NRG1: variants seen among roughly 807,000 people sequenced by gnomAD.
NRG1 encodes the protein neuregulin 1.
A neutral mutation model predicts 63.8 loss-of-function variants in NRG1; 18 were observed. The ratio of observed to expected loss-of-function variants is 0.28; its 90% CI spans 0.19 to 0.42. NRG1 has a LOEUF of 0.42. Ranked by LOEUF, NRG1 falls within the 10% of genes least tolerant of loss-of-function variation. The pLI is 1.00. For synonymous variants in NRG1, 302 were observed against 301.3 expected, an observed-to-expected ratio of 1.00 and a Z score of -0.02; for missense variants, 762 against 814.7, an observed-to-expected ratio of 0.94 and a Z score of 0.79.
chr8:31,894,786 G>C (rs576498760), intron 1 of NRG1, among the ~76,000 whole-genome samples: 4 of 151,972 alleles, frequency 2.6e-5, no homozygotes, highest in South Asian at 2.1e-4. Context: ...TCCTGACCTC[G>C]TGATCCGCCT....
At chr8:32,424,597 G>A (rs550610770) in intron 1 of NRG1, among the ~76,000 whole-genome samples, 7 of 152,242 alleles carry the variant, frequency 4.6e-5, no homozygotes, top group Admixed American at 2.6e-4. Context: ...TAGGCTGGAC[G>A]TGGTGGCTCA....
At chr8:32,719,664 A>G (rs754221621) in intron 5 of NRG1, among the ~76,000 whole-genome samples, 3 of 151,972 alleles carry the variant, frequency 2.0e-5, no homozygotes, top group Non-Finnish European at 4.4e-5. Flanking sequence ...TGGTTGCTAT[A>G]TTTCCTAATG....
rs1390577873 is a variant in NRG1, at chr8:32,252,954, G to A, written c.38-342874G>A. On this transcript the variant is annotated intron_variant, in intron 1 of 10. Coordinates refer to the NRG1 transcript ENST00000519301. ...TCCTAGGGATTTTATTCTCTTTGTA[G>A]CCATTGTGAATGGGAGTTCACTCAT... Among the ~76,000 whole-genome samples, 5 of 152,166 alleles carry A rather than the reference G, an allele frequency of 3.3e-5. No homozygotes were observed. In the East Asian group the frequency reaches 9.7e-4, roughly 29 times the overall value.
At chr8:32,406,448 G>A (rs1330933937) in intron 1 of NRG1, among the ~76,000 whole-genome samples, 1 of 152,090 alleles carries the variant, frequency 6.6e-6, no homozygotes, top group Non-Finnish European at 1.5e-5. Context: ...CACATAGTAA[G>A]GGCTTAGTAA....
Position 32,200,887 on chromosome 8 carries a change from G to T in NRG1, c.38-394941G>T, listed in dbSNP as rs2132294566. Among the ~76,000 whole-genome samples, 4 of 152,242 alleles carry T rather than the reference G, an allele frequency of 2.6e-5. 1 individual carries two copies. In the South Asian group the frequency reaches 8.3e-4, roughly 32 times the overall value. The stretch of plus-strand genomic sequence containing the variant: ...GGGGTAAAATCTCCATTCTCGTGTG[G>T]GGAAGGTGATACTTTAAGTCACCTG... On this transcript the variant is annotated intron_variant, in intron 1 of 10. Coordinates refer to the NRG1 transcript ENST00000519301.
rs763984205 is a variant in NRG1, at chr8:31,792,625, A to ATGAT, written c.37+153195_37+153198dup. Among the ~76,000 whole-genome samples the ATGAT allele has an allele frequency of 1.3e-3, 194 of 152,366 alleles. 1 individual carries two copies. The highest frequency in any genetic ancestry group is 6.0e-3 in the Admixed American group (92 of 15,310). ...TTGTAGGGCTTAGTAAGCCATTACTATGATAGATCTTTATTTTTGTTTTCT... is the reference window on the plus strand; with the variant it reads ...TTGTAGGGCTTAGTAAGCCATTACTATGATTGATAGATCTTTATTTTTGTTTTCT... On this transcript the variant is annotated intron_variant, in intron 1 of 10. Transcript: ENST00000519301.
chr8:32,265,868 A>G (rs1208773553), intron 1 of NRG1, among the ~76,000 whole-genome samples: 1 of 152,118 alleles, frequency 6.6e-6, no homozygotes, highest in African/African-American at 2.4e-5. Flanking sequence ...AATAAAAATC[A>G]ATACAATATA....
chr8:32,358,247 A>G (rs1331701544), intron 1 of NRG1, among the ~76,000 whole-genome samples: 1 of 152,036 alleles, frequency 6.6e-6, no homozygotes, highest in Non-Finnish European at 1.5e-5. Context: ...ACTCAGCCCC[A>G]GAATGCCTCC....
intron 1 of NRG1, among the ~76,000 whole-genome samples, chr8:32,308,099 G>GT (rs1554503604): frequency 6.6e-6 from 1 of 152,156 alleles, no homozygotes; most frequent in Non-Finnish European, 1.5e-5. Flanking sequence ...GGGTGTCTCT[G>GT]TTTTTTTGCT....
chr8:32,549,897 C>T (rs534517066), intron 1 of NRG1, among the ~76,000 whole-genome samples: 5 of 152,300 alleles, frequency 3.3e-5, no homozygotes, highest in African/African-American at 1.2e-4. Flanking sequence ...GATCCAGATG[C>T]CTTAAGTCGC....
chr8:31,832,990 A>T (rs1825314524), intron 1 of NRG1, among the ~76,000 whole-genome samples: 2 of 152,168 alleles, frequency 1.3e-5, no homozygotes, highest in South Asian at 4.1e-4. Context: ...ATTTGCAAAG[A>T]TACGGTGTTC....
chr8:32,017,846 G>T (rs918095972), intron 1 of NRG1, among the ~76,000 whole-genome samples: 1 of 152,114 alleles, frequency 6.6e-6, no homozygotes, highest in Non-Finnish European at 1.5e-5. Flanking sequence ...GTTTACAGAG[G>T]CTTCATTACG....
At chr8:31,688,379 C>A (rs945510225) in intron 1 of NRG1, among the ~76,000 whole-genome samples, 3 of 152,130 alleles carry the variant, frequency 2.0e-5, no homozygotes, top group Admixed American at 6.5e-5. Context: ...TGAGAAGGAA[C>A]CATCTGTGAG....
intron 1 of NRG1, among the ~76,000 whole-genome samples, chr8:31,834,420 A>G (rs570834752): frequency 1.3e-5 from 2 of 152,338 alleles, no homozygotes; most frequent in East Asian, 1.9e-4. Flanking sequence ...AGAAGATGCT[A>G]CATATGCTGG....
chr8:31,875,647 A>G (rs1258012421), intron 1 of NRG1, among the ~76,000 whole-genome samples: 3 of 152,136 alleles, frequency 2.0e-5, no homozygotes, highest in African/African-American at 2.4e-5. Context: ...CAACTACAGG[A>G]GGAGTTTCAG....
At chr8:32,520,522 AT>A (rs1210851347) in intron 1 of NRG1, among the ~76,000 whole-genome samples, 1 of 152,166 alleles carries the variant, frequency 6.6e-6, no homozygotes, top group African/African-American at 2.4e-5. Flanking sequence ...TGGTTGTGAA[AT>A]TAAAATGAGA....
chr8:32,298,418 T>A (rs922954443), intron 1 of NRG1, among the ~76,000 whole-genome samples: 3 of 152,138 alleles, frequency 2.0e-5, no homozygotes, highest in African/African-American at 7.2e-5. Context: ...ACTACACTTA[T>A]CCAGTCTATA....
intron 1 of NRG1, among the ~76,000 whole-genome samples, chr8:32,135,951 G>C (rs970614058): frequency 6.9e-6 from 1 of 145,770 alleles, no homozygotes; most frequent in African/African-American, 2.5e-5. Context: ...AGCCATGCGG[G>C]AGTGATTGTT....
chr8:32,170,133 T>A (rs2131996185), intron 1 of NRG1, among the ~76,000 whole-genome samples: 1 of 152,276 alleles, frequency 6.6e-6, no homozygotes, highest in South Asian at 2.1e-4. Context: ...CTGACAACAC[T>A]GTGATTTCAG....
Sources: gnomAD v4.1 joint callset for allele counts (sites outside exome capture counted in the v4.1 genomes callset) on GRCh38, gnomAD v4.1.1 for gene constraint, MANE v1.5 for transcripts, NCBI Gene and HGNC (gene_info 2026-07-23, HGNC 2026-07-21) for gene names.